Variants in OSGIN1 observed in about 807,000 individuals in gnomAD.
The protein encoded by OSGIN1 is oxidative stress-induced growth inhibitor 1.
In OSGIN1, 19 loss-of-function variants were observed where a neutral mutation model predicts 20.1. That is an observed-to-expected ratio of 0.95 (90% confidence interval 0.66 to 1.39). The LOEUF (loss-of-function observed/expected upper bound fraction) is 1.39, where lower values mean the gene tolerates loss of function less well. Ranked by LOEUF, OSGIN1 falls within the 40% of genes most tolerant of loss-of-function variation. The pLI, the probability that OSGIN1 is intolerant of heterozygous loss-of-function variation, is 0.00. For synonymous variants in OSGIN1, 368 were observed against 297.8 expected, an observed-to-expected ratio of 1.24 and a Z score of -2.43; for missense variants, 820 against 653.0, an observed-to-expected ratio of 1.26 and a Z score of -2.79.
intron 5 of OSGIN1, among the ~76,000 whole-genome samples, chr16:83,962,462 C>G (rs1053222154): frequency 5.9e-5 from 9 of 152,156 alleles, no homozygotes; most frequent in Non-Finnish European, 1.3e-4. Flanking sequence ...AGGATGGTCT[C>G]GATCTCCTGA....
chr16:83,956,546 G>A (rs1005352559), intron 1 of OSGIN1, among the ~76,000 whole-genome samples: 1 of 152,170 alleles, frequency 6.6e-6, no homozygotes, highest in Non-Finnish European at 1.5e-5. Flanking sequence ...TGGTGGCACT[G>A]GCAGGGTCTT....
chr16:83,953,603 C>G (rs1181537054), intron 1 of OSGIN1, among the ~76,000 whole-genome samples: 2 of 152,224 alleles, frequency 1.3e-5, no homozygotes, highest in East Asian at 3.8e-4. Flanking sequence ...GTACCCTCAG[C>G]CAAGCAGCTG....
Position 83,957,631 on chromosome 16 carries a change from C to T in OSGIN1, c.-32-9C>T. 1 of 1,442,830 alleles carries T rather than the reference C, an allele frequency of 6.9e-7. No homozygotes were observed. Among genetic ancestry groups the T allele is most frequent in the Non-Finnish European group, 9.6e-7 (1 of 1,039,122 alleles). The allele number at this position is 1,442,830 out of a possible 1,614,324, so 89.4% of individuals were successfully genotyped here. ...AATGGACTCTTCCTTCCCCTCTCCCCCACTCCAGGTCCGCTGCCAGCCCCA... is the reference window on the plus strand; with the variant it reads ...AATGGACTCTTCCTTCCCCTCTCCCTCACTCCAGGTCCGCTGCCAGCCCCA... On this transcript the variant is annotated splice_polypyrimidine_tract_variant and intron_variant, in intron 1 of 5. Coordinates refer to ENST00000393306, the MANE Select transcript of OSGIN1 (RefSeq NM_182981.3).
rs1185151971 is a variant in OSGIN1, at chr16:83,960,739, C to A, written c.375C>A (p.Asn125Lys). Residue 125 changes from asparagine (N) to lysine (K), a missense_variant, in exon 4 of 6, where the codon AAC (asparagine) becomes AAA (lysine). Physicochemically the swap from Asn to Lys is moderately conservative, Grantham distance 94. Transcript: ENST00000393306. ...TCCCCCACGTGGTTCTGGGCCGGAA[C>A]CTCCCCGGGGGAGCCTGGCACGTGA... is the stretch of plus-strand genomic sequence containing the variant. Reference protein sequence around the residue: ...HAIPHVVLGRNLPGGAWHSIE... With the variant: ...HAIPHVVLGRKLPGGAWHSIE... 6.2e-7 allele frequency: 1 copy of A among 1,613,320 alleles called. No individual in the cohort carries two copies. The highest frequency in any genetic ancestry group is 8.5e-7 in the Non-Finnish European group (1 of 1,179,996).
At chr16:83,961,337 C>T in intron 5 of OSGIN1, 1 of 440,490 alleles carries the variant, frequency 2.3e-6, no homozygotes, top group Non-Finnish European at 4.2e-6. Context: ...CAGCTTGAAG[C>T]AAAGGCAGGA....
intron 1 of OSGIN1, among the ~76,000 whole-genome samples, chr16:83,955,658 G>A (rs1908891625): frequency 6.6e-6 from 1 of 152,210 alleles, no homozygotes; most frequent in African/African-American, 2.4e-5. Context: ...CTCCACAGAA[G>A]TATGGAAATG....
chr16:83,961,377 A>G, intron 5 of OSGIN1: 1 of 389,724 alleles, frequency 2.6e-6, no homozygotes, highest in Non-Finnish European at 4.8e-6. Context: ...GGTCGCAGGT[A>G]GGTGAGAGAT....
intron 5 of OSGIN1, among the ~76,000 whole-genome samples, chr16:83,962,580 C>A (rs920453862): frequency 1.3e-5 from 2 of 152,232 alleles, no homozygotes; most frequent in African/African-American, 4.8e-5. Flanking sequence ...AGACGCACAA[C>A]CATGACACAG....
chr16:83,966,264 C>T lies in OSGIN1; in HGVS notation c.*257C>T, dbSNP rs981959621. On this transcript the variant is annotated 3_prime_UTR_variant, in exon 6 of 6. Transcript: ENST00000393306. ...AGCTGCTGGTGTGACCAGCTGAGCA[C>T]CCAGCCAGGAGACCTGCAGCCCTGC... The T allele has an allele frequency of 5.8e-6, 3 of 519,654 alleles. No homozygotes were observed. The highest frequency in any genetic ancestry group is 1.0e-5 in the Non-Finnish European group (3 of 297,566). The allele number at this position is 519,654 out of a possible 1,614,324, so 32.2% of individuals were successfully genotyped here. A position where few individuals can be genotyped will look rare whatever the true frequency, so the allele number is the denominator to read the frequency against.
chr16:83,962,767 C>T (rs924639773), intron 5 of OSGIN1, among the ~76,000 whole-genome samples: 3 of 152,180 alleles, frequency 2.0e-5, no homozygotes, highest in African/African-American at 4.8e-5. Flanking sequence ...GAGAGACAAA[C>T]GGTTGCATTC....
rs2084277271 is a variant in OSGIN1 at position 83,966,084 on chromosome 16, C to A, written c.*77C>A. The A allele has an allele frequency of 8.3e-7, 1 of 1,201,074 alleles. No homozygotes were observed. Among genetic ancestry groups the A allele is most frequent in the Non-Finnish European group, 1.1e-6 (1 of 884,400 alleles). The allele number at this position is 1,201,074 out of a possible 1,614,324, so 74.4% of individuals were successfully genotyped here. A position where few individuals can be genotyped will look rare whatever the true frequency, so the allele number is the denominator to read the frequency against. ...CATCCCTGCTGGATGCAGGACCCGT[C>A]CAAAGATGCCCCGGGGAGGGGTGTC... On this transcript the variant is annotated 3_prime_UTR_variant, in exon 6 of 6. Coordinates refer to ENST00000393306, the MANE Select transcript of OSGIN1 (RefSeq NM_182981.3).
intron 5 of OSGIN1, among the ~76,000 whole-genome samples, chr16:83,961,423 C>T (rs547117995): frequency 6.6e-5 from 10 of 152,088 alleles, no homozygotes; most frequent in African/African-American, 2.4e-4. Flanking sequence ...TGATGAGCCT[C>T]TCCAAATGAG....
At chr16:83,957,537 C>T in intron 1 of OSGIN1, 103 bp from the exon 2 acceptor site, 1 of 685,150 alleles carries the variant, frequency 1.5e-6, no homozygotes, top group Non-Finnish European at 2.7e-6. Flanking sequence ...CGGACCAGAC[C>T]CTGAGGGCCA....
At chr16:83,958,600 A>G (rs2665300) in intron 2 of OSGIN1, among the ~76,000 whole-genome samples, 10,359 of 152,282 alleles carry the variant, frequency 0.068, 404 homozygotes, top group South Asian at 0.13. Context: ...AATATTCCGA[A>G]TCAGACGAGA....
chr16:83,961,237 G>A (rs575203891), intron 5 of OSGIN1, 165 bp downstream of exon 5: 156 of 607,010 alleles, frequency 2.6e-4, no homozygotes, highest in African/African-American at 6.3e-4. Context: ...AAGGTGATCC[G>A]GCACAGCTTG....
chr16:83,957,591 C>G, intron 1 of OSGIN1, 49 bp from the exon 2 acceptor site: 12 of 963,760 alleles, frequency 1.2e-5, no homozygotes, highest in Non-Finnish European at 2.0e-5. Context: ...TGTGTGGACA[C>G]CCAGGCCTCA....
chr16:83,963,483 C>T (rs2084239818), intron 5 of OSGIN1, among the ~76,000 whole-genome samples: 1 of 152,152 alleles, frequency 6.6e-6, no homozygotes, highest in African/African-American at 2.4e-5. Flanking sequence ...CATGGCACTG[C>T]CAAGGTTACC....
intron 3 of OSGIN1, among the ~76,000 whole-genome samples, chr16:83,959,928 C>G (rs1344698398): frequency 6.6e-6 from 1 of 152,170 alleles, no homozygotes; most frequent in African/African-American, 2.4e-5. Flanking sequence ...ACCTCCTGCC[C>G]ACAAGGGTTT....
intron 1 of OSGIN1, among the ~76,000 whole-genome samples, chr16:83,954,963 G>T (rs1441602900): frequency 2.0e-5 from 3 of 152,214 alleles, no homozygotes; most frequent in Non-Finnish European, 4.4e-5. Flanking sequence ...AGGGGCTGGG[G>T]TGCCTGGGGG....
Sources: gnomAD v4.1 joint callset for allele counts (sites outside exome capture counted in the v4.1 genomes callset) on GRCh38, gnomAD v4.1.1 for gene constraint, MANE v1.5 for transcripts, NCBI Gene and HGNC (gene_info 2026-07-23, HGNC 2026-07-21) for gene names.